PDE1C: variants seen among roughly 807,000 people sequenced by gnomAD.
PDE1C encodes phosphodiesterase 1C.
A neutral mutation model predicts 93.1 loss-of-function variants in PDE1C; 62 were observed. The ratio of observed to expected loss-of-function variants is 0.67; its 90% CI spans 0.54 to 0.82. The LOEUF (loss-of-function observed/expected upper bound fraction) is 0.82. Ranked by LOEUF, PDE1C falls within the 40% of genes least tolerant of loss-of-function variation. The pLI, the probability that PDE1C is intolerant of heterozygous loss-of-function variation, is 0.00. For synonymous variants in PDE1C, 325 were observed against 310.1 expected (o/e 1.05, Z -0.50); for missense variants, 742 against 884.6 (o/e 0.84, Z 2.04).
chr7:31,839,433 CAT>C (rs1456340198), intron 9 of PDE1C, among the ~76,000 whole-genome samples: 5 of 138,146 alleles, frequency 3.6e-5, no homozygotes, highest in East Asian at 2.2e-4. Context: ...CACACACACA[CAT>C]ATATAATACA....
the PDE1C span, chr7:31,696,081 A>T: frequency 1.7e-3 from 263 of 152,944 alleles, 2 homozygotes; most frequent in African/African-American, 6.1e-3. Flanking sequence ...ACAATGAGGT[A>T]AGCTGGGAAA....
intron 6 of PDE1C, among the ~76,000 whole-genome samples, chr7:31,872,279 T>A (rs1796040976): frequency 6.6e-6 from 1 of 152,080 alleles, no homozygotes; most frequent in African/African-American, 2.4e-5. Context: ...GGTACGAACA[T>A]ACAGTTAGAT....
chr7:31,792,378 T>C (rs1338221195), intron 16 of PDE1C, among the ~76,000 whole-genome samples: 1 of 152,028 alleles, frequency 6.6e-6, no homozygotes. Flanking sequence ...GAGAATTGAA[T>C]AAGCATGAGG....
At chr7:31,652,000 G>C in the PDE1C span, 1 of 1,606,220 alleles carries the variant, frequency 6.2e-7, no homozygotes, top group Middle Eastern at 1.7e-4. Context: ...GGCAGAGTTG[G>C]AATTTCAGTT....
intron 1 of PDE1C, among the ~76,000 whole-genome samples, chr7:32,423,251 C>T (rs548458824): frequency 6.6e-6 from 1 of 152,286 alleles, no homozygotes; most frequent in South Asian, 2.1e-4. Flanking sequence ...GTGGCTTCCA[C>T]CTGTGGTCCC....
At chr7:32,141,861 G>A (rs1394819549) in intron 3 of PDE1C, among the ~76,000 whole-genome samples, 1 of 152,192 alleles carries the variant, frequency 6.6e-6, no homozygotes, top group African/African-American at 2.4e-5. Context: ...GAAACTGGGT[G>A]AGGTATATGG....
the PDE1C span, among the ~76,000 whole-genome samples, chr7:31,672,530 A>G: frequency 1.3e-5 from 2 of 152,130 alleles, no homozygotes; most frequent in African/African-American, 4.8e-5. Context: ...ATGAGGTTAT[A>G]CATTTTTGAC....
intron 2 of PDE1C, among the ~76,000 whole-genome samples, chr7:31,963,367 G>C (rs115869810): frequency 6.6e-6 from 1 of 152,080 alleles, no homozygotes; most frequent in East Asian, 1.9e-4. Flanking sequence ...TTTATTTAGG[G>C]ATGAAATGAT....
chr7:31,804,417 A>T (rs771872997), intron 16 of PDE1C, among the ~76,000 whole-genome samples: 1 of 151,918 alleles, frequency 6.6e-6, no homozygotes, highest in South Asian at 2.1e-4. Flanking sequence ...TTCTGGCCTC[A>T]GGTAGTTTCC....
the PDE1C span, among the ~76,000 whole-genome samples, chr7:31,718,934 C>T: frequency 6.6e-6 from 1 of 152,154 alleles, no homozygotes; most frequent in Admixed American, 6.5e-5. Flanking sequence ...CATTCTGGAA[C>T]CAGGATCTTA....
intron 16 of PDE1C, chr7:31,790,163 G>A: frequency 6.3e-7 from 1 of 1,598,458 alleles, no homozygotes; most frequent in South Asian, 1.1e-5. Flanking sequence ...CTTTGTGGAA[G>A]AAGGAGAAGA....
At chr7:31,964,267 G>T (rs1007329496) in intron 2 of PDE1C, among the ~76,000 whole-genome samples, 1 of 152,204 alleles carries the variant, frequency 6.6e-6, no homozygotes. Flanking sequence ...CTAATACTGC[G>T]CTTTTCCAAT....
intron 3 of PDE1C, among the ~76,000 whole-genome samples, chr7:32,143,847 C>T (rs543716773): frequency 5.3e-5 from 8 of 152,196 alleles, no homozygotes; most frequent in African/African-American, 9.6e-5. Flanking sequence ...GTGTCCCTTA[C>T]GTAAAGAGCC....
intron 3 of PDE1C, among the ~76,000 whole-genome samples, chr7:32,167,786 C>T (rs1035973838): frequency 2.0e-5 from 3 of 152,066 alleles, no homozygotes; most frequent in Non-Finnish European, 2.9e-5. Flanking sequence ...AAAAAGAGAA[C>T]GAAGTAATCA....
At chr7:32,047,490 G>A (rs765266679) in intron 2 of PDE1C, among the ~76,000 whole-genome samples, 11 of 152,226 alleles carry the variant, frequency 7.2e-5, no homozygotes, top group Non-Finnish European at 1.0e-4. Context: ...TTGCTAACCC[G>A]ATAAAGAGGA....
At chr7:32,198,893 G>A (rs1267593785) in intron 2 of PDE1C, among the ~76,000 whole-genome samples, 1 of 152,114 alleles carries the variant, frequency 6.6e-6, no homozygotes, top group East Asian at 1.9e-4. Flanking sequence ...AAGGCAGGTG[G>A]ATCACTTGAG....
At chr7:32,426,884 AACAGACC>A (rs1482725612) in intron 1 of PDE1C, among the ~76,000 whole-genome samples, 1 of 152,190 alleles carries the variant, frequency 6.6e-6, no homozygotes, top group Non-Finnish European at 1.5e-5. Flanking sequence ...TTGAAAAGTC[AACAGACC>A]ATCCCCGTGA....
chr7:32,420,158 CATATATATGTGTATATAT>C (rs1208704113), intron 1 of PDE1C, among the ~76,000 whole-genome samples: 6 of 40,142 alleles, frequency 1.5e-4, no homozygotes, highest in African/African-American at 5.1e-4. Flanking sequence ...CACACACACA[CATATATATGTGTATATAT>C]ATACACATAT....
In PDE1C at chr7:31,800,449, T is replaced by C. The variant is rs181484179; in HGVS notation, c.1891+8582A>G. On this transcript the variant is annotated intron_variant, in intron 16 of 17. Transcript: ENST00000396191. ...ATGTATAGTTAGAAATTCCTTATTT[T>C]GCATATGACATTTCAAGCAGTCATC... 1.4e-3 allele frequency among the ~76,000 whole-genome samples: 209 copies of C among 151,720 alleles called. 1 individual carries two copies. The highest frequency in any genetic ancestry group is 2.4e-3 in the Admixed American group (37 of 15,198).
Sources: gnomAD v4.1 joint callset for allele counts (sites outside exome capture counted in the v4.1 genomes callset) on GRCh38, gnomAD v4.1.1 for gene constraint, MANE v1.5 for transcripts, NCBI Gene and HGNC (gene_info 2026-07-23, HGNC 2026-07-21) for gene names.